ARPC5: variants seen among roughly 807,000 people sequenced by gnomAD.
ARPC5 encodes actin-related protein 2/3 complex subunit 5.
ARPC5 carries 5 observed loss-of-function variants against 15.4 expected under a neutral mutation model. That is an observed-to-expected ratio of 0.32 (90% confidence interval 0.17 to 0.68). The LOEUF (loss-of-function observed/expected upper bound fraction) is 0.68, where lower values mean the gene tolerates loss of function less well. Among genes scored for constraint, ARPC5 ranks in the 30% least tolerant of loss-of-function variants. The pLI is 0.71. For missense variants in ARPC5, 138 were observed against 192.8 expected (o/e 0.72, Z 1.68); for synonymous variants, 85 against 72.2 (o/e 1.18, Z -0.90).
Position 183,630,478 on chromosome 1 carries a change from G to GT in ARPC5, c.375dup (p.Leu126ThrfsTer5). 1 of 1,607,356 alleles carries GT rather than the reference G, an allele frequency of 6.2e-7. No individual in the cohort carries two copies. The highest frequency in any genetic ancestry group is 1.1e-5 in the South Asian group (1 of 89,806). The stretch of plus-strand genomic sequence containing the variant: ...TAACTTACCTTTTCATGCCATTGCA[G>GT]TAACATAGCACTGCTATTGTCAGAC... On this transcript the variant is annotated frameshift_variant, in exon 3 of 4. Coordinates refer to ENST00000359856, the MANE Select transcript of ARPC5 (RefSeq NM_005717.4). LOFTEE classifies it high-confidence loss of function.
rs998432006 is a variant in ARPC5, at chr1:183,623,277, T to C, written c.*4255A>G. 1.8e-5 allele frequency: 13 copies of C among 723,482 alleles called. No homozygotes were observed. In the African/African-American group the frequency reaches 2.3e-4, roughly 13 times the overall value. 44.8% of individuals were successfully genotyped at this position (723,482 alleles called of 1,614,324 possible). A position where few individuals can be genotyped will look rare whatever the true frequency, so the allele number is the denominator to read the frequency against. ...AAGAGATGTAAACATAGATTATTTA[T>C]GTTGATTACTCTTACACACTCAAGT... On this transcript the variant is annotated 3_prime_UTR_variant, in exon 4 of 4. Transcript: ENST00000359856.
At position 183,624,641 on chromosome 1, in the gene ARPC5, T is replaced by C. The variant is rs1649042981; in HGVS notation, c.*2891A>G. Reference sequence around the variant, plus strand: ...TTCATTTCACTTGGACCGTTTGTCCTTTCTGCCCCTCCAAAGGATTAGTTC... The same window carrying C: ...TTCATTTCACTTGGACCGTTTGTCCCTTCTGCCCCTCCAAAGGATTAGTTC... On this transcript the variant is annotated 3_prime_UTR_variant, in exon 4 of 4. Coordinates refer to ENST00000359856, the MANE Select transcript of ARPC5 (RefSeq NM_005717.4). 6.6e-6 allele frequency: 1 copy of C among 152,262 alleles called. No homozygotes were observed. Among genetic ancestry groups the C allele is most frequent in the Admixed American group, 6.5e-5 (1 of 15,290 alleles). The allele number at this position is 152,262 out of a possible 1,614,324, so 9.4% of individuals were successfully genotyped here.
intron 1 of ARPC5, among the ~76,000 whole-genome samples, chr1:183,634,324 G>A (rs1558123308): frequency 6.6e-6 from 1 of 152,210 alleles, no homozygotes; most frequent in Non-Finnish European, 1.5e-5. Context: ...AATTGTGAAA[G>A]TTGTGGCAAA....
In ARPC5 at chr1:183,627,549, CA is replaced by C; in HGVS notation, c.438del (p.Ala147GlnfsTer51). ...CTGCCAGACTACACAGTTTTTCTTG[CA>C]GTCAAGACACGAACAATGGACCCTA... ...GGVGSIVRVL[T>X]ARKTV On this transcript the variant is annotated frameshift_variant, in exon 4 of 4. Transcript: ENST00000359856. LOFTEE classifies it high-confidence loss of function. 1 of 1,614,056 alleles carries C rather than the reference CA, an allele frequency of 6.2e-7. No homozygotes were observed.
chr1:183,634,422 A>G (rs1006982979), intron 1 of ARPC5, among the ~76,000 whole-genome samples: 1 of 152,234 alleles, frequency 6.6e-6, no homozygotes, highest in East Asian at 1.9e-4. Context: ...TTTCACTCTC[A>G]TATTTCCCCA....
chr1:183,631,841 G>A (rs1233691482), intron 2 of ARPC5: 3 of 152,132 alleles, frequency 2.0e-5, no homozygotes, highest in Admixed American at 6.5e-5. Context: ...TTACCCATCC[G>A]GCCAAGCAAA....
At chr1:183,633,345 G>A in intron 1 of ARPC5, 191 bp from the exon 2 acceptor site, 1 of 439,722 alleles carries the variant, frequency 2.3e-6, no homozygotes, top group Non-Finnish European at 4.1e-6. Context: ...TAGAACATTA[G>A]ACTTTTTTTT....
chr1:183,627,416 G>T lies in ARPC5; in HGVS notation c.*116C>A. On this transcript the variant is annotated 3_prime_UTR_variant, in exon 4 of 4. Transcript: ENST00000359856. ...TTTCTTTACAGATATGAAAAAGCAA[G>T]AAGGCAAAGCTGAGAGAAACAGATG... The T allele has an allele frequency of 2.4e-6, 2 of 843,822 alleles. No homozygotes were observed. The highest frequency in any genetic ancestry group is 1.5e-5 in the South Asian group (1 of 68,130). The allele number at this position is 843,822 out of a possible 1,614,324, so 52.3% of individuals were successfully genotyped here. A position where few individuals can be genotyped will look rare whatever the true frequency, so the allele number is the denominator to read the frequency against.
intron 3 of ARPC5, among the ~76,000 whole-genome samples, chr1:183,629,524 C>G (rs886351082): frequency 3.3e-5 from 5 of 152,096 alleles, no homozygotes; most frequent in Non-Finnish European, 4.4e-5. Context: ...CACTCAGATA[C>G]ACTTCAAACA....
At chr1:183,633,926 A>C (rs747101477) in intron 1 of ARPC5, 8 of 152,204 alleles carry the variant, frequency 5.3e-5, no homozygotes, top group Non-Finnish European at 1.2e-4. Flanking sequence ...TTGTTCCTCC[A>C]ACTCTAGTAC....
chr1:183,624,746 C>A lies in ARPC5; in HGVS notation c.*2786G>T, dbSNP rs556585677. 2 of 152,304 alleles carry A rather than the reference C, an allele frequency of 1.3e-5. No homozygotes were observed. The highest frequency in any genetic ancestry group is 4.1e-4 in the South Asian group (2 of 4,824). 9.4% of individuals were successfully genotyped at this position (152,304 alleles called of 1,614,324 possible). On this transcript the variant is annotated 3_prime_UTR_variant, in exon 4 of 4. Transcript: ENST00000359856. ...AACATTGACTAACTGCATTTACAGTCAAATGCTAAATTGTATGACGTTAAT... is the reference window on the plus strand; with the variant it reads ...AACATTGACTAACTGCATTTACAGTAAAATGCTAAATTGTATGACGTTAAT...
intron 1 of ARPC5, among the ~76,000 whole-genome samples, chr1:183,634,906 T>C (rs1433681412): frequency 7.7e-6 from 1 of 129,088 alleles, no homozygotes; most frequent in Non-Finnish European, 1.6e-5. Context: ...AATCCCCTTC[T>C]TCTTCTTCTT....
At chr1:183,634,782 A>G (rs1030095213) in intron 1 of ARPC5, among the ~76,000 whole-genome samples, 2 of 151,938 alleles carry the variant, frequency 1.3e-5, no homozygotes, top group African/African-American at 2.4e-5. Flanking sequence ...TGTTTTTTCT[A>G]TTGTCCTTTT....
chr1:183,634,294 C>T (rs1038652430), intron 1 of ARPC5, among the ~76,000 whole-genome samples: 3 of 152,290 alleles, frequency 2.0e-5, no homozygotes, highest in African/African-American at 7.2e-5. Context: ...TTAAATAATG[C>T]AAAAGAGCAA....
intron 2 of ARPC5, chr1:183,631,979 A>T (rs1339295178): frequency 6.6e-6 from 1 of 152,238 alleles, no homozygotes; most frequent in Non-Finnish European, 1.5e-5. Flanking sequence ...TCTTTGGTTT[A>T]AAGACTGCAA....
rs368761860 is a variant in ARPC5, at chr1:183,635,633, G to A, written c.27C>T (p.Ala9=). ...CATCCACGTCCACCTTCCGGAAGCG[G>A]GCCGACGACACTGTGTTCTTCGACA... MSKNTVSS[A]RFRKVDVDEY... The change falls in exon 1 of 4, where the codon GCC becomes GCT. Residue 9 remains alanine (A), a synonymous_variant. Transcript: ENST00000359856. 56 of 1,613,332 alleles carry A rather than the reference G, an allele frequency of 3.5e-5. No individual in the cohort carries two copies. Among genetic ancestry groups the A allele is most frequent in the Non-Finnish European group, 4.4e-5 (52 of 1,179,724 alleles).
At chr1:183,628,497 T>C (rs1003249403) in intron 3 of ARPC5, among the ~76,000 whole-genome samples, 2 of 152,230 alleles carry the variant, frequency 1.3e-5, no homozygotes, top group Admixed American at 6.5e-5. Context: ...CTTTGTATAC[T>C]GAGTACTGTG....
rs2231238 is a variant in ARPC5 at position 183,632,941 on chromosome 1, T to A, written c.216+141A>T. 1.0e-3 allele frequency: 652 copies of A among 633,216 alleles called. 3 individuals are homozygous for A. The highest frequency in any genetic ancestry group is 1.4e-3 in the Non-Finnish European group (538 of 374,002). 39.2% of individuals were successfully genotyped at this position (633,216 alleles called of 1,614,324 possible). Reference sequence around the variant, plus strand: ...AGGGCTATTTTTTCACGTGAAATTTTTACCTATCAAACTACATTATAAACT... The same window carrying A: ...AGGGCTATTTTTTCACGTGAAATTTATACCTATCAAACTACATTATAAACT... On this transcript the variant is annotated intron_variant, in intron 2 of 3. Transcript: ENST00000359856.
rs1174910135 is a variant in ARPC5 at position 183,623,156 on chromosome 1, GGA to G, written c.*4374_*4375del. ...GCTAACTGCTAGGCTGGAAAATACG[GGA>G]GTTTTAGAATGCTTTGGAATTCAGG... is the stretch of plus-strand genomic sequence containing the variant. On this transcript the variant is annotated 3_prime_UTR_variant, in exon 4 of 4. Coordinates refer to ENST00000359856, the MANE Select transcript of ARPC5 (RefSeq NM_005717.4). The G allele has an allele frequency of 6.6e-6, 3 of 452,866 alleles. No homozygotes were observed. Among genetic ancestry groups the G allele is most frequent in the Non-Finnish European group, 1.2e-5 (3 of 246,684 alleles). The allele number at this position is 452,866 out of a possible 1,614,324, so 28.1% of individuals were successfully genotyped here. A position where few individuals can be genotyped will look rare whatever the true frequency, so the allele number is the denominator to read the frequency against.
Sources: gnomAD v4.1 joint callset for allele counts (sites outside exome capture counted in the v4.1 genomes callset) on GRCh38, gnomAD v4.1.1 for gene constraint, MANE v1.5 for transcripts, NCBI Gene and HGNC (gene_info 2026-07-23, HGNC 2026-07-21) for gene names.